CNOT6L: variants seen among roughly 807,000 people sequenced by gnomAD.
CNOT6L encodes CCR4-NOT transcription complex subunit 6-like.
A neutral mutation model predicts 64.0 loss-of-function variants in CNOT6L; 7 were observed. That is an observed-to-expected ratio of 0.11 (90% CI 0.06 to 0.21). CNOT6L has a LOEUF of 0.21. Among genes scored for constraint, CNOT6L ranks in the 10% least tolerant of loss-of-function variants. The pLI, the probability that CNOT6L is intolerant of heterozygous loss-of-function variation, is 1.00. For missense variants in CNOT6L, 245 were observed against 669.0 expected, an observed-to-expected ratio of 0.37 and a Z score of 6.99; for synonymous variants, 193 against 243.4, an observed-to-expected ratio of 0.79 and a Z score of 1.93.
intron 1 of CNOT6L, among the ~76,000 whole-genome samples, chr4:77,779,069 A>AC (rs1211218464): frequency 4.7e-4 from 50 of 106,134 alleles, no homozygotes; most frequent in African/African-American, 1.2e-3. Context: ...AAAACAAAAA[A>AC]AAAACACAAA....
chr4:77,776,989 C>A (rs997038865), intron 1 of CNOT6L, among the ~76,000 whole-genome samples: 2 of 152,178 alleles, frequency 1.3e-5, no homozygotes, highest in Non-Finnish European at 2.9e-5. Flanking sequence ...AAGGCAGAGT[C>A]TGGAAAACAG....
chr4:77,819,167 G>C (rs1004992028), intron 1 of CNOT6L, 137 bp downstream of exon 1: 107 of 1,561,670 alleles, frequency 6.9e-5, no homozygotes, highest in Non-Finnish European at 8.9e-5. Context: ...GTGGGTCCTC[G>C]GGCCGCCTCC....
intron 1 of CNOT6L, among the ~76,000 whole-genome samples, chr4:77,798,546 A>G (rs887412961): frequency 1.1e-4 from 17 of 152,218 alleles, no homozygotes; most frequent in Admixed American, 2.0e-4. Context: ...AAATTAAACC[A>G]CAATGAGATT....
chr4:77,724,032 G>A (rs969304777), intron 11 of CNOT6L, among the ~76,000 whole-genome samples: 2 of 151,956 alleles, frequency 1.3e-5, no homozygotes, highest in East Asian at 3.9e-4. Context: ...AGCTGAGGTG[G>A]ACGGATTGCT....
chr4:77,810,444 A>G (rs1341319757), intron 1 of CNOT6L, among the ~76,000 whole-genome samples: 2 of 152,190 alleles, frequency 1.3e-5, no homozygotes, highest in African/African-American at 4.8e-5. Context: ...TTCAAAGTAC[A>G]TTAAACTAAA....
intron 1 of CNOT6L, among the ~76,000 whole-genome samples, chr4:77,786,285 AAAAG>A (rs1295376918): frequency 2.1e-4 from 31 of 150,348 alleles, no homozygotes; most frequent in African/African-American, 5.6e-4. Flanking sequence ...CCTCTAAAAA[AAAAG>A]AAAGAAAGAG....
At position 77,716,569 on chromosome 4, in the gene CNOT6L, T is replaced by A. The variant is rs1720768696; in HGVS notation, c.*3862A>T. On this transcript the variant is annotated 3_prime_UTR_variant, in exon 12 of 12. Transcript: ENST00000504123. ...TTTCACCCATTTAACAATATAAACT[T>A]AGAATTTTAAAATGGAACACTATAT... 6.6e-6 allele frequency: 1 copy of A among 152,148 alleles called. No homozygotes were observed. The highest frequency in any genetic ancestry group is 6.6e-5 in the Admixed American group (1 of 15,230). The allele number at this position is 152,148 out of a possible 1,614,324, so 9.4% of individuals were successfully genotyped here. A position where few individuals can be genotyped will look rare whatever the true frequency, so the allele number is the denominator to read the frequency against.
chr4:77,813,652 A>C (rs1356187916), intron 1 of CNOT6L, among the ~76,000 whole-genome samples: 1 of 152,212 alleles, frequency 6.6e-6, no homozygotes, highest in Non-Finnish European at 1.5e-5. Context: ...GTCCAACAGC[A>C]CATAAAAAGC....
intron 1 of CNOT6L, among the ~76,000 whole-genome samples, chr4:77,802,526 G>A (rs181671383): frequency 6.6e-6 from 1 of 152,258 alleles, no homozygotes; most frequent in Non-Finnish European, 1.5e-5. Flanking sequence ...CTCTGACTTT[G>A]AAAACTAAGG....
Position 77,726,319 on chromosome 4 carries a change from A to G in CNOT6L, c.1303T>C (p.Phe435Leu), listed in dbSNP as rs1306131732. ...CACTCATTGTACCTTAGTTCCTTGA[A>G]GTCTTTATGGTTGTCAGCTACTCCT... ...NGGVADNHKD[F>L]KELRYNECLM... Residue 435 changes from phenylalanine to leucine, a missense_variant, in exon 11 of 12, where the codon TTC becomes CTC. This residue lies in a region of CNOT6L where 20 missense variants were observed against 38.3 expected (regional missense o/e 0.52). Transcript: ENST00000504123. 1 of 1,613,648 alleles carries G rather than the reference A, an allele frequency of 6.2e-7. No individual in the cohort carries two copies. The highest frequency in any genetic ancestry group is 8.5e-7 in the Non-Finnish European group (1 of 1,179,764).
At position 77,713,771 on chromosome 4, in the gene CNOT6L, T is replaced by C. The variant is rs1720438695; in HGVS notation, c.*6660A>G. On this transcript the variant is annotated 3_prime_UTR_variant, in exon 12 of 12. Coordinates refer to ENST00000504123, the MANE Select transcript of CNOT6L (RefSeq NM_144571.3). ...TGTTTAACTGTAATAAATAGAAAAA[T>C]AAAGCAGCTGGTGATTTTGTCAGAG... 1 of 152,430 alleles carries C rather than the reference T, an allele frequency of 6.6e-6. No individual in the cohort carries two copies. Among genetic ancestry groups the C allele is most frequent in the African/African-American group, 2.4e-5 (1 of 41,362 alleles). 9.4% of individuals were successfully genotyped at this position (152,430 alleles called of 1,614,324 possible).
At chr4:77,746,129 G>A (rs1459268665) in intron 6 of CNOT6L, among the ~76,000 whole-genome samples, 5 of 152,162 alleles carry the variant, frequency 3.3e-5, no homozygotes, top group Admixed American at 6.5e-5. Flanking sequence ...GGCGAAAGAG[G>A]CAGACTGCCA....
At chr4:77,736,906 ATGATT>A (rs1723010488) in intron 8 of CNOT6L, among the ~76,000 whole-genome samples, 1 of 152,176 alleles carries the variant, frequency 6.6e-6, no homozygotes, top group South Asian at 2.1e-4. Flanking sequence ...ATCCCCTTAT[ATGATT>A]TGAGAATTAT....
intron 7 of CNOT6L, 23 bp downstream of exon 7, chr4:77,744,695 C>A: frequency 6.3e-7 from 1 of 1,582,372 alleles, no homozygotes; most frequent in Admixed American, 1.8e-5. Flanking sequence ...AAGTTAAAGA[C>A]AGTTTAATTT....
intron 1 of CNOT6L, among the ~76,000 whole-genome samples, chr4:77,813,994 C>T (rs1170333929): frequency 6.6e-6 from 1 of 152,136 alleles, no homozygotes; most frequent in Non-Finnish European, 1.5e-5. Context: ...AGTCTATGTC[C>T]ATCAGCTCAT....
intron 1 of CNOT6L, among the ~76,000 whole-genome samples, chr4:77,786,579 AT>A (rs1729472960): frequency 6.6e-6 from 1 of 152,022 alleles, no homozygotes. Context: ...GTGTTAAGTG[AT>A]TCTCCCACTT....
At chr4:77,769,807 T>C (rs1290798153) in intron 4 of CNOT6L, among the ~76,000 whole-genome samples, 1 of 152,144 alleles carries the variant, frequency 6.6e-6, no homozygotes, top group East Asian at 1.9e-4. Context: ...GACCAAGTAA[T>C]CCTTGGAAGA....
rs563693695 is a variant in CNOT6L, at chr4:77,763,912, A to C, written c.401-6961T>G. Among the ~76,000 whole-genome samples the C allele has an allele frequency of 2.6e-5, 4 of 152,374 alleles. No individual in the cohort carries two copies. The South Asian group carries it at 8.3e-4, about 32-fold the overall frequency. On this transcript the variant is annotated intron_variant, in intron 4 of 11. Coordinates refer to ENST00000504123, the MANE Select transcript of CNOT6L (RefSeq NM_144571.3). ...CAAGGAAGATATAATAACCCATATT[A>C]AAAATACTTAGACCGAAACAGTAAT...
At chr4:77,755,610 C>T (rs368939829) in intron 5 of CNOT6L, among the ~76,000 whole-genome samples, 22 of 152,254 alleles carry the variant, frequency 1.4e-4, no homozygotes, top group East Asian at 9.7e-4. Flanking sequence ...TTACTAAGAA[C>T]GCCTCTATAA....
Sources: gnomAD v4.1 joint callset for allele counts (sites outside exome capture counted in the v4.1 genomes callset) on GRCh38, gnomAD v4.1.1 for gene constraint, gnomAD v4.1.1 regional missense constraint, MANE v1.5 for transcripts, NCBI Gene and HGNC (gene_info 2026-07-23, HGNC 2026-07-21) for gene names.